Variants in TENM3 observed in about 807,000 individuals in gnomAD.
TENM3 encodes teneurin transmembrane protein 3, also known as teneurin-3.
Under a neutral mutation model 255.1 loss-of-function variants are expected in TENM3, and 63 were observed. The ratio of observed to expected loss-of-function variants is 0.25; its 90% CI spans 0.20 to 0.30. The LOEUF (loss-of-function observed/expected upper bound fraction) is 0.30. TENM3 is among the 10% of genes least tolerant of loss of function. The pLI is 1.00. For synonymous variants in TENM3, 1,306 were observed against 1,322.3 expected, an observed-to-expected ratio of 0.99 and a Z score of 0.27; for missense variants, 2,929 against 3,461.1, an observed-to-expected ratio of 0.85 and a Z score of 3.86.
At chr4:182,028,419 T>TAA in the TENM3 span, among the ~76,000 whole-genome samples, 1 of 152,186 alleles carries the variant, frequency 6.6e-6, no homozygotes, top group Non-Finnish European at 1.5e-5. Context: ...ACCAACTGGT[T>TAA]GTTTCATTAT....
At chr4:182,615,622 A>G (rs375084762) in intron 4 of TENM3, among the ~76,000 whole-genome samples, 2 of 152,184 alleles carry the variant, frequency 1.3e-5, no homozygotes, top group African/African-American at 2.4e-5. Flanking sequence ...CACACGGTAG[A>G]TACTTAAAAG....
chr4:181,786,841 A>G, the TENM3 span, among the ~76,000 whole-genome samples: 4 of 152,082 alleles, frequency 2.6e-5, no homozygotes, highest in Non-Finnish European at 4.4e-5. Context: ...TCAGCATGTC[A>G]AAGTGTCAGT....
the TENM3 span, among the ~76,000 whole-genome samples, chr4:181,546,688 T>C: frequency 7.7e-6 from 1 of 129,178 alleles, no homozygotes; most frequent in Non-Finnish European, 1.6e-5. Flanking sequence ...CACTCCAGCC[T>C]GGGCGACAGA....
chr4:181,893,034 G>A, the TENM3 span, among the ~76,000 whole-genome samples: 2 of 152,004 alleles, frequency 1.3e-5, no homozygotes, highest in African/African-American at 2.4e-5. Context: ...GAGTATCAGA[G>A]GAACTAGGTC....
chr4:182,471,030 C>T (rs1733074437), intron 3 of TENM3, among the ~76,000 whole-genome samples: 1 of 152,072 alleles, frequency 6.6e-6, no homozygotes, highest in Non-Finnish European at 1.5e-5. Flanking sequence ...ATATTTGCCT[C>T]GAATTTTATT....
chr4:181,958,606 C>G, the TENM3 span, among the ~76,000 whole-genome samples: 3 of 152,058 alleles, frequency 2.0e-5, no homozygotes, highest in Non-Finnish European at 1.5e-5. Context: ...CTGCCTGTGT[C>G]GAGTGGGTAG....
At chr4:182,439,751 C>A (rs189860519) in intron 3 of TENM3, among the ~76,000 whole-genome samples, 314 of 152,328 alleles carry the variant, frequency 2.1e-3, no homozygotes, top group African/African-American at 7.1e-3. Context: ...AATTTCAAGA[C>A]CTTTTCTTCA....
chr4:182,158,524 C>A (rs898062792), intron 1 of TENM3, among the ~76,000 whole-genome samples: 7 of 152,104 alleles, frequency 4.6e-5, no homozygotes, highest in African/African-American at 7.2e-5. Flanking sequence ...CCTCTTCTAC[C>A]CATTTTGGAG....
intron 3 of TENM3, among the ~76,000 whole-genome samples, chr4:182,463,505 C>G (rs919799659): frequency 6.6e-6 from 1 of 151,826 alleles, no homozygotes; most frequent in African/African-American, 2.4e-5. Flanking sequence ...GAATCTCACT[C>G]TGTCGCCCAG....
In TENM3 at chr4:182,453,568, T is replaced by TA. The variant is rs200915413; in HGVS notation, c.511+106645dup. The stretch of plus-strand genomic sequence containing the variant: ...CAAAATGACTAATATGGGACTAACA[T>TA]AAAAAACACTTTAGTCTTTTGTGGT... On this transcript the variant is annotated intron_variant, in intron 3 of 27. Transcript: ENST00000511685. Among the ~76,000 whole-genome samples the TA allele has an allele frequency of 2.6e-5, 4 of 152,276 alleles. No individual in the cohort carries two copies. The South Asian group carries it at 8.3e-4, about 32-fold the overall frequency.
the TENM3 span, among the ~76,000 whole-genome samples, chr4:181,557,588 G>A: frequency 4.6e-5 from 7 of 151,886 alleles, no homozygotes; most frequent in South Asian, 2.1e-4. Flanking sequence ...GTGCAGTGAC[G>A]CAATCACAGC....
At chr4:182,111,022 T>C in the TENM3 span, among the ~76,000 whole-genome samples, 1 of 152,130 alleles carries the variant, frequency 6.6e-6, no homozygotes, top group Non-Finnish European at 1.5e-5. Context: ...CATGTAAGTT[T>C]TTGTAGGTAT....
At chr4:182,162,384 G>A (rs1199428712) in intron 1 of TENM3, among the ~76,000 whole-genome samples, 1 of 152,104 alleles carries the variant, frequency 6.6e-6, no homozygotes, top group Non-Finnish European at 1.5e-5. Flanking sequence ...TATTTTAGAA[G>A]CTCCAAAGAA....
the TENM3 span, among the ~76,000 whole-genome samples, chr4:181,940,018 G>A: frequency 2.0e-5 from 3 of 152,158 alleles, no homozygotes; most frequent in Admixed American, 6.5e-5. Context: ...AGAAATGCAC[G>A]CTTTATGCAC....
At chr4:181,926,184 C>A in the TENM3 span, among the ~76,000 whole-genome samples, 5 of 152,120 alleles carry the variant, frequency 3.3e-5, no homozygotes, top group African/African-American at 4.8e-5. Flanking sequence ...ACAATCCTTG[C>A]GGTTAGGCAT....
chr4:181,584,478 C>A, the TENM3 span, among the ~76,000 whole-genome samples: 5 of 152,290 alleles, frequency 3.3e-5, no homozygotes, highest in Admixed American at 3.3e-4. Flanking sequence ...TATATCATAA[C>A]TTTTTAATAT....
chr4:181,664,491 C>CA, the TENM3 span, among the ~76,000 whole-genome samples: 10 of 48,420 alleles, frequency 2.1e-4, no homozygotes, highest in African/African-American at 5.9e-4. Context: ...AAAAACAAAA[C>CA]AAAAAAATAG....
intron 6 of TENM3, among the ~76,000 whole-genome samples, chr4:182,660,714 T>C (rs1754157177): frequency 2.0e-5 from 3 of 152,252 alleles, no homozygotes; most frequent in Non-Finnish European, 2.9e-5. Context: ...TTATCGTGTA[T>C]TTTTTAATGC....
chr4:182,374,545 T>C (rs1767049784), intron 3 of TENM3, among the ~76,000 whole-genome samples: 1 of 152,222 alleles, frequency 6.6e-6, no homozygotes, highest in South Asian at 2.1e-4. Flanking sequence ...TTTCTATTTT[T>C]TCTTCCCACT....
Sources: allele counts gnomAD v4.1 joint callset (sites outside exome capture counted in the v4.1 genomes callset), GRCh38; gene constraint gnomAD v4.1.1; transcripts MANE v1.5; gene names NCBI Gene and HGNC (gene_info 2026-07-23, HGNC 2026-07-21).